CPEB4: variants seen among roughly 807,000 people sequenced by gnomAD.
CPEB4 encodes the protein cytoplasmic polyadenylation element binding protein 4.
A neutral mutation model predicts 72.5 loss-of-function variants in CPEB4; 12 were observed. The observed-to-expected ratio is 0.17, with a 90% CI of 0.11 to 0.27. The LOEUF is 0.27. Among genes scored for constraint, CPEB4 ranks in the 10% least tolerant of loss-of-function variants. The pLI is 1.00. For synonymous variants in CPEB4, 302 were observed against 326.3 expected (o/e 0.93, Z 0.80); for missense variants, 614 against 908.5 (o/e 0.68, Z 4.17).
At chr5:173,948,317 C>T (rs991638077) in intron 5 of CPEB4, among the ~76,000 whole-genome samples, 1 of 152,074 alleles carries the variant, frequency 6.6e-6, no homozygotes, top group Non-Finnish European at 1.5e-5. Flanking sequence ...TCTTGTAGAA[C>T]GCTAATTGAA....
intron 3 of CPEB4, among the ~76,000 whole-genome samples, chr5:173,938,497 G>C (rs949736202): frequency 2.6e-5 from 4 of 151,464 alleles, no homozygotes; most frequent in Non-Finnish European, 5.9e-5. Flanking sequence ...AAGTGCTGGG[G>C]TTATAGGTGT....
intron 4 of CPEB4, among the ~76,000 whole-genome samples, chr5:173,944,559 T>A (rs888948412): frequency 1.2e-4 from 19 of 152,158 alleles, no homozygotes; most frequent in African/African-American, 3.9e-4. Context: ...TTGATTTTTT[T>A]AAAGAAATGT....
In CPEB4 at chr5:173,956,389, C is replaced by A; in HGVS notation, c.*252C>A. ...TTTTATTCTCTTGTTTTGCTGGAAACCAAGAGGATCCAAACTTCCTGCAAC... is the reference window on the plus strand; with the variant it reads ...TTTTATTCTCTTGTTTTGCTGGAAAACAAGAGGATCCAAACTTCCTGCAAC... On this transcript the variant is annotated 3_prime_UTR_variant, in exon 10 of 10. Transcript: ENST00000265085. The A allele has an allele frequency of 2.6e-6, 1 of 383,856 alleles. No individual in the cohort carries two copies. The highest frequency in any genetic ancestry group is 4.2e-5 in the Admixed American group (1 of 24,012). 23.8% of individuals were successfully genotyped at this position (383,856 alleles called of 1,614,324 possible).
chr5:173,958,323 CTT>C lies in CPEB4; in HGVS notation c.*2189_*2190del. On this transcript the variant is annotated 3_prime_UTR_variant, in exon 10 of 10. Coordinates refer to ENST00000265085, the MANE Select transcript of CPEB4 (RefSeq NM_030627.4). ...CCAACAGTGAACATTTTTAGGCACA[CTT>C]TTCACTGACGGGATATCTCTTTATG... The C allele has an allele frequency of 6.5e-6, 1 of 152,836 alleles. No individual in the cohort carries two copies. Among genetic ancestry groups the C allele is most frequent in the South Asian group, 2.1e-4 (1 of 4,828 alleles). 9.5% of individuals were successfully genotyped at this position (152,836 alleles called of 1,614,324 possible).
Position 173,936,749 on chromosome 5 carries a change from G to A in CPEB4, c.1258+4249G>A, listed in dbSNP as rs1326419263. Among the ~76,000 whole-genome samples the A allele has an allele frequency of 5.3e-5, 8 of 151,668 alleles. No homozygotes were observed. In the East Asian group the frequency reaches 1.2e-3, roughly 22 times the overall value. ...AAAAGATTAGTTTTCCTCTTACCCAGCTTGAAACTTTATTTTACCTAAGAA... is the reference window on the plus strand; with the variant it reads ...AAAAGATTAGTTTTCCTCTTACCCAACTTGAAACTTTATTTTACCTAAGAA... On this transcript the variant is annotated intron_variant, in intron 3 of 9. Transcript: ENST00000265085.
intron 3 of CPEB4, among the ~76,000 whole-genome samples, 200 bp from the exon 4 acceptor site, chr5:173,942,826 A>G (rs1412103377): frequency 1.3e-5 from 2 of 152,218 alleles, no homozygotes; most frequent in African/African-American, 4.8e-5. Flanking sequence ...AGTGTCCTTG[A>G]AGAAATTTTA....
At chr5:173,893,806 G>A (rs1755902630) in intron 1 of CPEB4, among the ~76,000 whole-genome samples, 1 of 152,122 alleles carries the variant, frequency 6.6e-6, no homozygotes, top group African/African-American at 2.4e-5. Flanking sequence ...GTTTACTCAG[G>A]TTTGGGTACA....
At chr5:173,916,687 A>G (rs1187071426) in intron 2 of CPEB4, among the ~76,000 whole-genome samples, 1 of 152,214 alleles carries the variant, frequency 6.6e-6, no homozygotes. Flanking sequence ...AAATGCTTAA[A>G]TGAGTGGGCA....
intron 1 of CPEB4, among the ~76,000 whole-genome samples, chr5:173,903,539 G>A (rs1038764252): frequency 6.6e-6 from 1 of 152,210 alleles, no homozygotes; most frequent in Non-Finnish European, 1.5e-5. Context: ...GAATGAGACT[G>A]TGGGGATGGA....
intron 1 of CPEB4, among the ~76,000 whole-genome samples, chr5:173,905,944 TA>T (rs1245314889): frequency 1.3e-5 from 2 of 152,228 alleles, no homozygotes; most frequent in Non-Finnish European, 2.9e-5. Context: ...CCCAAGCTCA[TA>T]AAATACGACA....
chr5:173,893,397 G>C (rs1199809268), intron 1 of CPEB4, among the ~76,000 whole-genome samples: 1 of 152,066 alleles, frequency 6.6e-6, no homozygotes, highest in African/African-American at 2.4e-5. Context: ...CAGAAGGATT[G>C]CATGAGCCCA....
In CPEB4 at chr5:173,888,692, CCT is replaced by C; in HGVS notation, c.-1039_-1038del. 1 of 396,056 alleles carries C rather than the reference CCT, an allele frequency of 2.5e-6. No homozygotes were observed. The allele number at this position is 396,056 out of a possible 1,614,324, so 24.5% of individuals were successfully genotyped here. A position where few individuals can be genotyped will look rare whatever the true frequency, so the allele number is the denominator to read the frequency against. On this transcript the variant is annotated 5_prime_UTR_variant, in exon 1 of 10. Transcript: ENST00000265085. This position sits in a 1 kb window ranked among gnomAD's most constrained non-coding sequence, Gnocchi z 4.3. ...ACGGTAGTGGGTTTTTCCTTTTTTT[CCT>C]CTTTTTTCCCTCTCTGCGGAGAATC...
chr5:173,905,641 A>G (rs1756408427), intron 1 of CPEB4, among the ~76,000 whole-genome samples: 2 of 152,130 alleles, frequency 1.3e-5, no homozygotes, highest in South Asian at 4.1e-4. Flanking sequence ...TTAAGACTCT[A>G]AGTGATCATT....
At chr5:173,906,363 G>A (rs1756436254) in intron 1 of CPEB4, among the ~76,000 whole-genome samples, 1 of 152,154 alleles carries the variant, frequency 6.6e-6, no homozygotes, top group Non-Finnish European at 1.5e-5. Context: ...AGATCAGTGA[G>A]GGAGTAAATC....
intron 2 of CPEB4, among the ~76,000 whole-genome samples, chr5:173,913,105 A>G (rs935606941): frequency 6.6e-6 from 1 of 152,150 alleles, no homozygotes; most frequent in Non-Finnish European, 1.5e-5. Flanking sequence ...GGTTACAAAC[A>G]GCAGTGGATA....
In CPEB4 at chr5:173,890,098, A is replaced by C. The variant is rs1379132567; in HGVS notation, c.365A>C (p.Asn122Thr). ...AAATCAGAAGAAAATCAAGGGGACA[A>C]TTCTTCGGAAAATGGCAATGGGAAG... The part of the protein sequence containing the change: ...KAKSEENQGD[N>T]SSENGNGKEK... The change falls in exon 1 of 10, where the codon AAT becomes ACT. Residue 122 changes from asparagine (N) to threonine (T), a missense_variant. This residue lies in a region of CPEB4 where 458 missense variants were observed against 548.6 expected (regional missense o/e 0.83). Coordinates refer to ENST00000265085, the MANE Select transcript of CPEB4 (RefSeq NM_030627.4). 2 of 1,614,066 alleles carry C rather than the reference A, an allele frequency of 1.2e-6. No homozygotes were observed. Among genetic ancestry groups the C allele is most frequent in the Non-Finnish European group, 1.7e-6 (2 of 1,180,048 alleles).
At chr5:173,931,819 C>G (rs1404197424) in intron 2 of CPEB4, among the ~76,000 whole-genome samples, 1 of 152,192 alleles carries the variant, frequency 6.6e-6, no homozygotes, top group Non-Finnish European at 1.5e-5. Flanking sequence ...AGTACCTTCA[C>G]AAATTCTTTT....
chr5:173,909,394 A>C (rs896349153), intron 1 of CPEB4, among the ~76,000 whole-genome samples: 3 of 152,208 alleles, frequency 2.0e-5, no homozygotes, highest in African/African-American at 7.2e-5. Flanking sequence ...AGGGAGGGAC[A>C]GAACATGCTT....
intron 5 of CPEB4, among the ~76,000 whole-genome samples, chr5:173,945,393 G>A (rs1469247225): frequency 6.6e-6 from 1 of 152,216 alleles, no homozygotes; most frequent in Non-Finnish European, 1.5e-5. Context: ...AAGCTTCCAA[G>A]GGACTTGATT....
Sources: allele counts gnomAD v4.1 joint callset (sites outside exome capture counted in the v4.1 genomes callset), GRCh38; gene constraint gnomAD v4.1.1; regional missense constraint gnomAD v4.1.1; non-coding constraint Gnocchi (gnomAD v3.1); transcripts MANE v1.5; gene names NCBI Gene and HGNC (gene_info 2026-07-23, HGNC 2026-07-21).